Variants in SPN observed in about 807,000 individuals in gnomAD.
SPN encodes leukosialin.
In SPN, 6 loss-of-function variants were observed where a neutral mutation model predicts 8.4. That is an observed-to-expected ratio of 0.72 (90% CI 0.39 to 1.42). The LOEUF is 1.42. Among genes scored for constraint, SPN ranks in the 40% most tolerant of loss-of-function variants. SPN has a pLI of 0.02. For missense variants in SPN, 517 were observed against 530.6 expected (o/e 0.97, Z 0.25); for synonymous variants, 201 against 222.6 (o/e 0.90, Z 0.86).
In SPN at chr16:29,666,379, A is replaced by G. The variant is rs1432544082; in HGVS notation, c.*1448A>G. The G allele has an allele frequency of 6.0e-6, 1 of 167,350 alleles. No individual in the cohort carries two copies. The highest frequency in any genetic ancestry group is 1.5e-5 in the Non-Finnish European group (1 of 68,616). The allele number at this position is 167,350 out of a possible 1,614,324, so 10.4% of individuals were successfully genotyped here. On this transcript the variant is annotated 3_prime_UTR_variant, in exon 2 of 2. Transcript: ENST00000652691. ...AGAGTGAGCCCCTGTCTCAAAAAAGAAAAGAAAAAGAAAGCCAGGCTTCAT... is the reference window on the plus strand; with the variant it reads ...AGAGTGAGCCCCTGTCTCAAAAAAGGAAAGAAAAAGAAAGCCAGGCTTCAT...
Position 29,666,959 on chromosome 16 carries a change from A to C in SPN, c.*2028A>C. The C allele has an allele frequency of 2.1e-6, 1 of 470,872 alleles. No homozygotes were observed. The highest frequency in any genetic ancestry group is 4.4e-6 in the Non-Finnish European group (1 of 226,902). 29.2% of individuals were successfully genotyped at this position (470,872 alleles called of 1,614,324 possible). On this transcript the variant is annotated 3_prime_UTR_variant, in exon 2 of 2. Transcript: ENST00000652691. ...CAGACAGGTTGACCTGCAAAAAAAG[A>C]CAGGGGAGGCATGTGAGTGTGACAG...
Position 29,664,085 on chromosome 16 carries a change from C to T in SPN, c.357C>T (p.Pro119=). ...TPHATSHPAV[P]ITANSLGSHT... ...ATGCAACCAGTCATCCTGCTGTTCC[C>T]ATAACAGCAAACTCTCTAGGATCCC... The change falls in exon 2 of 2, where the codon CCC becomes CCT. Residue 119 remains proline, a synonymous_variant. Transcript: ENST00000652691. This position sits in a 1 kb window ranked among gnomAD's most constrained non-coding sequence, Gnocchi z 6.4. The T allele has an allele frequency of 6.2e-7, 1 of 1,614,024 alleles. No individual in the cohort carries two copies. The highest frequency in any genetic ancestry group is 1.6e-4 in the Middle Eastern group (1 of 6,062).
rs1420058825 is a variant in SPN at position 29,663,810 on chromosome 16, A to G, written c.82A>G (p.Thr28Ala). 5 of 1,613,710 alleles carry G rather than the reference A, an allele frequency of 3.1e-6. No homozygotes were observed. In the East Asian group the frequency reaches 8.9e-5, roughly 29 times the overall value. Residue 28 changes from threonine to alanine, a missense_variant, in exon 2 of 2, where the codon ACC becomes GCC. Transcript: ENST00000652691. This position sits in a 1 kb window ranked among gnomAD's most constrained non-coding sequence, Gnocchi z 4.3. The part of the protein sequence containing the change: ...LGSTTAVQTP[T>A]SGEPLVSTSE... ...GAGCACAACAGCAGTGCAGACACCC[A>G]CCTCCGGAGAGCCTTTGGTCTCTAC...
Position 29,665,036 on chromosome 16 carries a change from C to G in SPN, c.*105C>G, listed in dbSNP as rs372325540. 1 of 1,205,852 alleles carries G rather than the reference C, an allele frequency of 8.3e-7. No homozygotes were observed. Among genetic ancestry groups the G allele is most frequent in the East Asian group, 3.1e-5 (1 of 31,774 alleles). 74.7% of individuals were successfully genotyped at this position (1,205,852 alleles called of 1,614,324 possible). A position where few individuals can be genotyped will look rare whatever the true frequency, so the allele number is the denominator to read the frequency against. On this transcript the variant is annotated 3_prime_UTR_variant, in exon 2 of 2. Transcript: ENST00000652691. Reference sequence around the variant, plus strand: ...TCGCTCCCATGTTTCCACCCGGCACCCTGATCCTCACCCGAATCTCCTTTT... The same window carrying G: ...TCGCTCCCATGTTTCCACCCGGCACGCTGATCCTCACCCGAATCTCCTTTT...
rs1335104521 is a variant in SPN, at chr16:29,667,215, A to G, written c.*2284A>G. ...ACTCACTGCAGCTGCAGAATGACAG[A>G]GGCCATGTCCAAAATCCCTTAGAGA... On this transcript the variant is annotated 3_prime_UTR_variant, in exon 2 of 2. Transcript: ENST00000652691. 1 of 361,716 alleles carries G rather than the reference A, an allele frequency of 2.8e-6. No homozygotes were observed. Among genetic ancestry groups the G allele is most frequent in the Non-Finnish European group, 5.8e-6 (1 of 173,386 alleles). 22.4% of individuals were successfully genotyped at this position (361,716 alleles called of 1,614,324 possible). A position where few individuals can be genotyped will look rare whatever the true frequency, so the allele number is the denominator to read the frequency against.
chr16:29,664,335 C>A lies in SPN; in HGVS notation c.607C>A (p.Pro203Thr). ...SLETSTGTTG[P>T]PVTMTTGSLE... ...GGAGACCTCCACTGGGACCACTGGA[C>A]CCCCTGTTACCATGACAACTGGCTC... is the stretch of plus-strand genomic sequence containing the variant. The change falls in exon 2 of 2, where the codon CCC becomes ACC. Residue 203 changes from proline to threonine, a missense_variant. By Grantham distance (38) the Pro-to-Thr change is conservative. Transcript: ENST00000652691. This position sits in a 1 kb window ranked among gnomAD's most constrained non-coding sequence, Gnocchi z 6.4. 6.2e-7 allele frequency: 1 copy of A among 1,613,428 alleles called. No homozygotes were observed. Among genetic ancestry groups the A allele is most frequent in the Non-Finnish European group, 8.5e-7 (1 of 1,179,970 alleles).
rs1179060548 is a variant in SPN at position 29,669,824 on chromosome 16, C to T, written c.*4893C>T. The T allele has an allele frequency of 6.1e-6, 1 of 162,888 alleles. No individual in the cohort carries two copies. Among genetic ancestry groups the T allele is most frequent in the Non-Finnish European group, 1.5e-5 (1 of 67,424 alleles). The allele number at this position is 162,888 out of a possible 1,614,324, so 10.1% of individuals were successfully genotyped here. On this transcript the variant is annotated 3_prime_UTR_variant, in exon 2 of 2. Transcript: ENST00000652691. ...CCAGGAGGTGGAGGTTGCAGTGAGC[C>T]GAGATCACGCCATTGCACTCCAGCC...
rs770733556 is a variant in SPN at position 29,664,851 on chromosome 16, C to A, written c.1123C>A (p.Pro375Thr). 3 of 1,497,194 alleles carry A rather than the reference C, an allele frequency of 2.0e-6. No individual in the cohort carries two copies. The highest frequency in any genetic ancestry group is 2.4e-5 in the East Asian group (1 of 42,498). The allele number at this position is 1,497,194 out of a possible 1,614,324, so 92.7% of individuals were successfully genotyped here. ...SGPSLKGEEE[P>T]LVASEDGAVD... Reference sequence around the variant, plus strand: ...CCCCAGCCTCAAAGGGGAGGAGGAGCCACTGGTGGCCAGTGAGGATGGGGC... The same window carrying A: ...CCCCAGCCTCAAAGGGGAGGAGGAGACACTGGTGGCCAGTGAGGATGGGGC... The change falls in exon 2 of 2, where the codon CCA becomes ACA. Residue 375 changes from proline (P) to threonine (T), a missense_variant. Pro to Thr is a conservative substitution (Grantham distance 38, BLOSUM62 -1). Coordinates refer to ENST00000652691, the MANE Select transcript of SPN (RefSeq NM_003123.6). The surrounding 1 kb of genome is among the most constrained non-coding windows in gnomAD (Gnocchi z 6.4).
In SPN at chr16:29,664,270, G is replaced by T. The variant is rs1966774812; in HGVS notation, c.542G>T (p.Gly181Val). 3 of 1,613,856 alleles carry T rather than the reference G, an allele frequency of 1.9e-6. No homozygotes were observed. The highest frequency in any genetic ancestry group is 3.3e-4 in the Middle Eastern group (2 of 6,062). ...MATVSLETSK[G>V]TSGPPVTMAT... Reference sequence around the variant, plus strand: ...ACTGTCTCTCTGGAGACTTCCAAAGGCACCTCTGGACCCCCTGTTACCATG... The same window carrying T: ...ACTGTCTCTCTGGAGACTTCCAAAGTCACCTCTGGACCCCCTGTTACCATG... Residue 181 changes from glycine (G) to valine (V), a missense_variant, in exon 2 of 2, where the codon GGC (glycine) becomes GTC (valine). Coordinates refer to ENST00000652691, the MANE Select transcript of SPN (RefSeq NM_003123.6). This position sits in a 1 kb window ranked among gnomAD's most constrained non-coding sequence, Gnocchi z 6.4.
In SPN at chr16:29,664,587, G is replaced by T; in HGVS notation, c.859G>T (p.Ala287Ser). ...CCGGCGGCAGAAGCGGCGGACTGGG[G>T]CCCTCGTGCTGAGCAGAGGCGGCAA... ...WRRRQKRRTG[A>S]LVLSRGGKRN... Residue 287 changes from alanine to serine, a missense_variant, in exon 2 of 2, where the codon GCC (alanine) becomes TCC (serine). Physicochemically the swap from Ala to Ser is moderately conservative, Grantham distance 99. Transcript: ENST00000652691. This position sits in a 1 kb window ranked among gnomAD's most constrained non-coding sequence, Gnocchi z 6.4. 1 of 1,611,310 alleles carries T rather than the reference G, an allele frequency of 6.2e-7. No homozygotes were observed. The highest frequency in any genetic ancestry group is 1.1e-5 in the South Asian group (1 of 90,822).
chr16:29,664,238 C>G lies in SPN; in HGVS notation c.510C>G (p.Thr170=), dbSNP rs1329769716. ...TSRGTSGPPL[T]MATVSLETSK... is the part of the protein sequence containing the mutation. ...GAGGCACCTCTGGACCCCCTCTTAC[C>G]ATGGCAACTGTCTCTCTGGAGACTT... The change falls in exon 2 of 2, where the codon ACC becomes ACG. Residue 170 remains threonine (T), a synonymous_variant. Transcript: ENST00000652691. This position sits in a 1 kb window ranked among gnomAD's most constrained non-coding sequence, Gnocchi z 6.4. 6.2e-7 allele frequency: 1 copy of G among 1,613,778 alleles called. No individual in the cohort carries two copies. The highest frequency in any genetic ancestry group is 8.5e-7 in the Non-Finnish European group (1 of 1,179,928).
In SPN at chr16:29,667,154, G is replaced by A; in HGVS notation, c.*2223G>A. The A allele has an allele frequency of 2.5e-6, 1 of 398,718 alleles. No individual in the cohort carries two copies. Among genetic ancestry groups the A allele is most frequent in the Admixed American group, 3.1e-5 (1 of 31,878 alleles). The allele number at this position is 398,718 out of a possible 1,614,324, so 24.7% of individuals were successfully genotyped here. A position where few individuals can be genotyped will look rare whatever the true frequency, so the allele number is the denominator to read the frequency against. On this transcript the variant is annotated 3_prime_UTR_variant, in exon 2 of 2. Transcript: ENST00000652691. ...TACCAGCCAGGCTGGGCACCCACTGGGCTGCATCTGGTGGCCTTTTCTGAT... is the reference window on the plus strand; with the variant it reads ...TACCAGCCAGGCTGGGCACCCACTGAGCTGCATCTGGTGGCCTTTTCTGAT...
At position 29,666,865 on chromosome 16, in the gene SPN, A is replaced by G; in HGVS notation, c.*1934A>G. The G allele has an allele frequency of 2.1e-6, 1 of 470,666 alleles. No individual in the cohort carries two copies. The highest frequency in any genetic ancestry group is 4.4e-6 in the Non-Finnish European group (1 of 226,688). 29.2% of individuals were successfully genotyped at this position (470,666 alleles called of 1,614,324 possible). Reference sequence around the variant, plus strand: ...GCACACATGGGCCAGGGCAGTTGGTATTTCCCGAGGACAAAGAGGAAATTT... The same window carrying G: ...GCACACATGGGCCAGGGCAGTTGGTGTTTCCCGAGGACAAAGAGGAAATTT... On this transcript the variant is annotated 3_prime_UTR_variant, in exon 2 of 2. Transcript: ENST00000652691.
At position 29,670,162 on chromosome 16, in the gene SPN, C is replaced by T. The variant is rs1966845147; in HGVS notation, c.*5231C>T. 6.4e-6 allele frequency: 1 copy of T among 155,350 alleles called. No individual in the cohort carries two copies. Among genetic ancestry groups the T allele is most frequent in the East Asian group, 1.9e-4 (1 of 5,192 alleles). The allele number at this position is 155,350 out of a possible 1,614,324, so 9.6% of individuals were successfully genotyped here. A position where few individuals can be genotyped will look rare whatever the true frequency, so the allele number is the denominator to read the frequency against. On this transcript the variant is annotated 3_prime_UTR_variant, in exon 2 of 2. Coordinates refer to ENST00000652691, the MANE Select transcript of SPN (RefSeq NM_003123.6). ...ATAGTGAGCTGTGATCATGCCACTGCACTCCAGCCTGGGCAATAGTGTGAG... is the reference window on the plus strand; with the variant it reads ...ATAGTGAGCTGTGATCATGCCACTGTACTCCAGCCTGGGCAATAGTGTGAG...
Position 29,667,302 on chromosome 16 carries a change from C to CCGAA in SPN, c.*2378_*2381dup, listed in dbSNP as rs1231384594. 7.5e-6 allele frequency: 2 copies of CCGAA among 266,806 alleles called. No individual in the cohort carries two copies. Among genetic ancestry groups the CCGAA allele is most frequent in the African/African-American group, 2.2e-5 (1 of 45,588 alleles). 16.5% of individuals were successfully genotyped at this position (266,806 alleles called of 1,614,324 possible). On this transcript the variant is annotated 3_prime_UTR_variant, in exon 2 of 2. Transcript: ENST00000652691. ...ATATCAGGTTTAGAAAATACTGTCA[C>CCGAA]CGAACGAACGTCGCTGTCCTCAGCT... is the stretch of plus-strand genomic sequence containing the variant.
At position 29,663,453 on chromosome 16, in the gene SPN, G is replaced by A. The variant is rs771068494; in HGVS notation, c.-35+137G>A. On this transcript the variant is annotated intron_variant, in intron 1 of 1. Transcript: ENST00000652691. This position sits in a 1 kb window ranked among gnomAD's most constrained non-coding sequence, Gnocchi z 4.3. ...TGCACAGGGTCAGGGAAGGCCAGGA[G>A]GGGCTGGTCACTGCTGGAATCTAAG... is the stretch of plus-strand genomic sequence containing the variant. 31 of 418,572 alleles carry A rather than the reference G, an allele frequency of 7.4e-5. No homozygotes were observed. The highest frequency in any genetic ancestry group is 1.1e-4 in the Non-Finnish European group (26 of 232,970). The allele number at this position is 418,572 out of a possible 1,614,324, so 25.9% of individuals were successfully genotyped here. A position where few individuals can be genotyped will look rare whatever the true frequency, so the allele number is the denominator to read the frequency against.
In SPN at chr16:29,665,117, C is replaced by G. The variant is rs1966793579; in HGVS notation, c.*186C>G. 2 of 589,798 alleles carry G rather than the reference C, an allele frequency of 3.4e-6. No homozygotes were observed. The highest frequency in any genetic ancestry group is 3.9e-5 in the African/African-American group (2 of 51,770). 36.5% of individuals were successfully genotyped at this position (589,798 alleles called of 1,614,324 possible). ...GTCGCCCAGGCTGGAGTGCAATGCA[C>G]GATCTCAGTTCACTGCAACCTCTGC... is the stretch of plus-strand genomic sequence containing the variant. On this transcript the variant is annotated 3_prime_UTR_variant, in exon 2 of 2. Transcript: ENST00000652691.
chr16:29,666,552 A>ACACAAGCGCG lies in SPN; in HGVS notation c.*1622_*1623insACAAGCGCGC, dbSNP rs139174583. On this transcript the variant is annotated 3_prime_UTR_variant, in exon 2 of 2. Transcript: ENST00000652691. ...CACACACACACACACACACACACAC[A>ACACAAGCGCG]CGCGCGCGCGCGCGCGCTCTCCTGC... The ACACAAGCGCG allele has an allele frequency of 7.1e-6, 1 of 141,258 alleles. No individual in the cohort carries two copies. Among genetic ancestry groups the ACACAAGCGCG allele is most frequent in the African/African-American group, 3.0e-5 (1 of 33,184 alleles). 8.8% of individuals were successfully genotyped at this position (141,258 alleles called of 1,614,324 possible).
Position 29,663,972 on chromosome 16 carries a change from G to A in SPN, c.244G>A (p.Gly82Ser). The A allele has an allele frequency of 1.9e-6, 3 of 1,614,046 alleles. No individual in the cohort carries two copies. The highest frequency in any genetic ancestry group is 2.5e-6 in the Non-Finnish European group (3 of 1,180,016). The change falls in exon 2 of 2, where the codon GGT (glycine) becomes AGT (serine). Residue 82 changes from glycine (G) to serine (S), a missense_variant. Gly to Ser is a moderately conservative substitution (Grantham distance 56, BLOSUM62 0). Transcript: ENST00000652691. This position sits in a 1 kb window ranked among gnomAD's most constrained non-coding sequence, Gnocchi z 4.3. ...NEGSPLWTSI[G>S]ASTGSPLPEP... ...GGGATCCCCTCTTTGGACTTCCATT[G>A]GTGCCAGCACTGGTTCCCCTTTACC...
Sources: allele counts gnomAD v4.1 joint callset, GRCh38; gene constraint gnomAD v4.1.1; non-coding constraint Gnocchi (gnomAD v3.1); transcripts MANE v1.5; gene names NCBI Gene and HGNC (gene_info 2026-07-23, HGNC 2026-07-21).